Variants in BTG4 observed in about 807,000 individuals in gnomAD.
BTG4 encodes protein BTG4.
Under a neutral mutation model 19.3 loss-of-function variants are expected in BTG4, and 10 were observed. The observed-to-expected ratio is 0.52, with a 90% CI of 0.32 to 0.88. BTG4 has a LOEUF of 0.88. Among genes scored for constraint, BTG4 ranks in the 40% least tolerant of loss-of-function variants. The pLI is 0.04. For missense variants in BTG4, 238 were observed against 281.9 expected (o/e 0.84, Z 1.11); for synonymous variants, 91 against 95.7 (o/e 0.95, Z 0.29).
chr11:111,452,620 C>G, the BTG4 span: 1 of 152,256 alleles, frequency 6.6e-6, no homozygotes. Context: ...ACAAGACCAC[C>G]TCTCCAATCC....
At chr11:111,420,962 G>A in the BTG4 span, among the ~76,000 whole-genome samples, 12,231 of 152,248 alleles carry the variant, frequency 0.08, 514 homozygotes, top group African/African-American at 0.1. Context: ...CTTTGGGAAA[G>A]GGACACCTAG....
chr11:111,475,999 C>A (rs1221753076), intron 5 of BTG4, among the ~76,000 whole-genome samples: 1 of 151,948 alleles, frequency 6.6e-6, no homozygotes, highest in East Asian at 1.9e-4. Context: ...GGGAAACCAC[C>A]CCCCATGATT....
intron 5 of BTG4, among the ~76,000 whole-genome samples, chr11:111,476,183 T>C (rs889066674): frequency 2.8e-5 from 4 of 144,296 alleles, no homozygotes; most frequent in African/African-American, 1.1e-4. Context: ...TTAACAAGTC[T>C]CCTAAGCAAT....
intron 4 of BTG4, among the ~76,000 whole-genome samples, chr11:111,495,736 A>G (rs1865684854): frequency 6.6e-6 from 1 of 152,180 alleles, no homozygotes; most frequent in African/African-American, 2.4e-5. Flanking sequence ...AAAAGAATAT[A>G]GCTGATTACA....
At chr11:111,389,067 G>A in the BTG4 span, among the ~76,000 whole-genome samples, 2 of 152,170 alleles carry the variant, frequency 1.3e-5, no homozygotes, top group Admixed American at 6.5e-5. Flanking sequence ...TGAATCAAAG[G>A]TGTAGTTTCC....
At chr11:111,481,717 G>C (rs1229184511) in intron 5 of BTG4, among the ~76,000 whole-genome samples, 4 of 151,608 alleles carry the variant, frequency 2.6e-5, no homozygotes, top group African/African-American at 9.7e-5. Flanking sequence ...GGCTAAAGAA[G>C]AAAAATTATA....
the BTG4 span, chr11:111,417,000 G>A: frequency 2.0e-5 from 3 of 152,170 alleles, no homozygotes; most frequent in Non-Finnish European, 4.4e-5. Flanking sequence ...AGCTATTAAG[G>A]TTGTCTGTGT....
the BTG4 span, among the ~76,000 whole-genome samples, chr11:111,402,457 A>C: frequency 6.6e-6 from 1 of 152,224 alleles, no homozygotes; most frequent in African/African-American, 2.4e-5. Context: ...ACAGTCAGAG[A>C]GAACAAAATA....
chr11:111,466,997 C>A (rs1200170323), downstream of BTG4: 2 of 152,662 alleles, frequency 1.3e-5, no homozygotes, highest in South Asian at 2.1e-4. Flanking sequence ...TAGGATTAAG[C>A]ACCTGGAACA....
At chr11:111,418,009 T>C in the BTG4 span, 1 of 152,208 alleles carries the variant, frequency 6.6e-6, no homozygotes. Context: ...ATCATCCACG[T>C]GGGGCAGCTG....
At chr11:111,458,669 G>A in the BTG4 span, among the ~76,000 whole-genome samples, 1 of 151,830 alleles carries the variant, frequency 6.6e-6, no homozygotes, top group Non-Finnish European at 1.5e-5. Flanking sequence ...ACGAATAAAC[G>A]CAAGAAAGGA....
intron 1 of BTG4, among the ~76,000 whole-genome samples, chr11:111,499,356 A>T (rs1386659962): frequency 6.6e-6 from 1 of 152,238 alleles, no homozygotes; most frequent in Non-Finnish European, 1.5e-5. Flanking sequence ...GCTGAAGTTT[A>T]TATAAGCCTG....
rs538285179 is a variant in BTG4 at position 111,481,131 on chromosome 11, C to A, written c.663-13450G>T. Among the ~76,000 whole-genome samples the A allele has an allele frequency of 2.6e-5, 4 of 151,818 alleles. No homozygotes were observed. In the East Asian group the frequency reaches 7.7e-4, roughly 29 times the overall value. ...GGATACCACTGCAGACCTGCAGACA[C>A]CAAAAGGATAATAAGGAAACACTAT... On this transcript the variant is annotated intron_variant, in intron 5 of 5. Transcript: ENST00000356018.
chr11:111,398,210 A>G, the BTG4 span, among the ~76,000 whole-genome samples: 1 of 152,230 alleles, frequency 6.6e-6, no homozygotes, highest in African/African-American at 2.4e-5. Flanking sequence ...CAGTAGATTG[A>G]CAAGCAATCA....
chr11:111,511,671 G>A (rs902058171), intron 1 of BTG4, among the ~76,000 whole-genome samples: 10 of 152,184 alleles, frequency 6.6e-5, no homozygotes, highest in Non-Finnish European at 1.2e-4. Flanking sequence ...GGGAAGGAAA[G>A]TTATTAGCAG....
the BTG4 span, among the ~76,000 whole-genome samples, chr11:111,412,533 G>A: frequency 4.4e-4 from 67 of 152,152 alleles, no homozygotes; most frequent in Non-Finnish European, 4.3e-4. Flanking sequence ...AGGGTTTGAG[G>A]CAGTTTATAG....
At chr11:111,407,596 C>T in the BTG4 span, among the ~76,000 whole-genome samples, 2 of 152,132 alleles carry the variant, frequency 1.3e-5, no homozygotes, top group African/African-American at 2.4e-5. Context: ...TGCTAGAACC[C>T]GGGAGGTGAG....
the BTG4 span, among the ~76,000 whole-genome samples, chr11:111,418,410 C>T: frequency 1.3e-5 from 2 of 152,200 alleles, no homozygotes; most frequent in African/African-American, 4.8e-5. Flanking sequence ...CATCACAAAG[C>T]ATTCTGTGAC....
the BTG4 span, among the ~76,000 whole-genome samples, chr11:111,409,794 A>G: frequency 2.0e-5 from 3 of 152,228 alleles, no homozygotes; most frequent in Non-Finnish European, 2.9e-5. Flanking sequence ...TGGTTTTGGC[A>G]TATGAAATGC....
Sources: gnomAD v4.1 joint callset for allele counts (sites outside exome capture counted in the v4.1 genomes callset) on GRCh38, gnomAD v4.1.1 for gene constraint, MANE v1.5 for transcripts, NCBI Gene and HGNC (gene_info 2026-07-23, HGNC 2026-07-21) for gene names.